FGF3: variants seen among roughly 807,000 people sequenced by gnomAD.
FGF3 encodes the protein FGF-3.
A neutral mutation model predicts 9.8 loss-of-function variants in FGF3; 7 were observed. The ratio of observed to expected loss-of-function variants is 0.72; its 90% confidence interval spans 0.41 to 1.35. The LOEUF (loss-of-function observed/expected upper bound fraction) is 1.35, where lower values mean the gene tolerates loss of function less well. Among genes scored for constraint, FGF3 ranks in the 40% most tolerant of loss-of-function variants. The probability of loss-of-function intolerance (pLI) is 0.01; values close to 1 mark genes in which losing one functional copy is unlikely to be tolerated. For missense variants in FGF3, 390 were observed against 345.6 expected, an observed-to-expected ratio of 1.13 and a Z score of -1.02; for synonymous variants, 173 against 157.2, an observed-to-expected ratio of 1.10 and a Z score of -0.75.
chr11:69,813,852 A>C (rs1856080014), intron 2 of FGF3, among the ~76,000 whole-genome samples: 1 of 142,026 alleles, frequency 7.0e-6, no homozygotes, highest in Non-Finnish European at 1.5e-5. Flanking sequence ...GGTTGGATGG[A>C]TGGGTGGATG....
At chr11:69,813,876 A>ATGGATGGATGGGTGGATGGC in intron 2 of FGF3, among the ~76,000 whole-genome samples, 1 of 138,304 alleles carries the variant, frequency 7.2e-6, no homozygotes, top group Non-Finnish European at 1.6e-5. Flanking sequence ...GGATAGGTGG[A>ATGGATGGATGGGTGGATGGC]TGGATGGATG....
rs1856007734 is a variant in FGF3, at chr11:69,810,482, G to A, written c.543C>T (p.Arg181=). The change falls in exon 3 of 3, where the codon CGC becomes CGT. Residue 181 remains arginine, a synonymous_variant. Coordinates refer to ENST00000334134, the MANE Select transcript of FGF3 (RefSeq NM_005247.4). ...TCTCGTGGTCCCTGTGGTCCAGCAC[G>A]CGGGGCAGGAACAGGGAGGACTTCT... ...RTQKSSLFLP[R]VLDHRDHEMV... The A allele has an allele frequency of 5.6e-6, 9 of 1,607,470 alleles. No individual in the cohort carries two copies. The highest frequency in any genetic ancestry group is 5.5e-5 in the South Asian group (5 of 90,116).
At chr11:69,811,450 C>CAAA (rs33951596) in intron 2 of FGF3, among the ~76,000 whole-genome samples, 2 of 97,350 alleles carry the variant, frequency 2.1e-5, no homozygotes, top group African/African-American at 3.8e-5. Flanking sequence ...AACTCTGACT[C>CAAA]AAAAAAAAAA....
At chr11:69,816,907 G>A (rs1856142454) in intron 1 of FGF3, among the ~76,000 whole-genome samples, 1 of 152,176 alleles carries the variant, frequency 6.6e-6, no homozygotes, top group Non-Finnish European at 1.5e-5. Flanking sequence ...GCCCTGATGA[G>A]CCAGGCTGAT....
intron 2 of FGF3, among the ~76,000 whole-genome samples, chr11:69,814,663 G>A (rs974427381): frequency 4.6e-5 from 7 of 152,108 alleles, no homozygotes; most frequent in South Asian, 2.1e-4. Flanking sequence ...GGCAGGTGAC[G>A]GAGTTGGCAT....
At chr11:69,814,873 C>T (rs1856100526) in intron 2 of FGF3, among the ~76,000 whole-genome samples, 1 of 152,204 alleles carries the variant, frequency 6.6e-6, no homozygotes, top group Non-Finnish European at 1.5e-5. Flanking sequence ...ACCACTGGGA[C>T]CCCCTCATGT....
intron 2 of FGF3, among the ~76,000 whole-genome samples, 153 bp from the exon 3 acceptor site, chr11:69,810,853 C>T (rs1856019444): frequency 6.6e-6 from 1 of 152,224 alleles, no homozygotes; most frequent in African/African-American, 2.4e-5. Context: ...TTTGCCTAGG[C>T]CCTGCCCTCT....
At chr11:69,818,363 G>A (rs1199495576) in intron 1 of FGF3, among the ~76,000 whole-genome samples, 2 of 152,160 alleles carry the variant, frequency 1.3e-5, no homozygotes, top group South Asian at 2.1e-4. Context: ...CTGGAGCCCC[G>A]GGGTCGCCTA....
intron 1 of FGF3, among the ~76,000 whole-genome samples, chr11:69,816,765 C>T: frequency 6.6e-6 from 1 of 152,214 alleles, no homozygotes; most frequent in East Asian, 1.9e-4. Context: ...GTGGGGACCA[C>T]TATGGCTGGG....
intron 1 of FGF3, 49 bp from the exon 2 acceptor site, chr11:69,816,472 C>A (rs369094504): frequency 1.2e-5 from 18 of 1,460,776 alleles, no homozygotes; most frequent in Admixed American, 1.7e-5. Flanking sequence ...ACGGAGGGGG[C>A]GGCTGAGGCC....
At chr11:69,812,415 T>C (rs1471532006) in intron 2 of FGF3, among the ~76,000 whole-genome samples, 1 of 151,960 alleles carries the variant, frequency 6.6e-6, no homozygotes. Context: ...GGGCTGCCTC[T>C]CCCCATAACC....
intron 2 of FGF3, among the ~76,000 whole-genome samples, chr11:69,814,647 G>C (rs964439010): frequency 2.0e-5 from 3 of 152,122 alleles, no homozygotes; most frequent in African/African-American, 7.2e-5. Flanking sequence ...GTATCAGGTG[G>C]CAGGTGGCAG....
In FGF3 at chr11:69,818,846, C is replaced by T; in HGVS notation, c.88G>A (p.Gly30Ser). 2.0e-6 allele frequency: 3 copies of T among 1,471,492 alleles called. No homozygotes were observed. Among genetic ancestry groups the T allele is most frequent in the East Asian group, 5.9e-5 (2 of 33,964 alleles). The allele number at this position is 1,471,492 out of a possible 1,614,324, so 91.2% of individuals were successfully genotyped here. Residue 30 changes from glycine (G) to serine (S), a missense_variant, in exon 1 of 3, where the codon GGC (glycine) becomes AGC (serine). By Grantham distance (56) the Gly-to-Ser change is moderately conservative. Transcript: ENST00000334134. The part of the protein sequence containing the change: ...GPGARLRRDA[G>S]GRGGVYEHLG... ...TGCTCGTAGACGCCGCCACGGCCGC[C>T]CGCATCGCGCCGCAACCGCGCCCCA...
intron 2 of FGF3, among the ~76,000 whole-genome samples, chr11:69,813,552 ATGGATGGATGGATGGG>A (rs1856060615): frequency 6.7e-6 from 1 of 150,076 alleles, no homozygotes; most frequent in Admixed American, 6.6e-5. Context: ...GGGTGGGTGG[ATGGATGGATGGATGGG>A]TGGATGGATG....
chr11:69,816,588 G>A (rs147406153), intron 1 of FGF3, among the ~76,000 whole-genome samples, 165 bp from the exon 2 acceptor site: 179 of 152,260 alleles, frequency 1.2e-3, no homozygotes, highest in African/African-American at 4.2e-3. Context: ...AGAAGTCACC[G>A]GACAGGAGGT....
At chr11:69,818,678 C>T in intron 1 of FGF3, 36 bp downstream of exon 1, 1 of 1,427,384 alleles carries the variant, frequency 7.0e-7, no homozygotes, top group Non-Finnish European at 9.2e-7. Context: ...CTCCCGGCGC[C>T]GCTTCCCCCG....
intron 2 of FGF3, among the ~76,000 whole-genome samples, chr11:69,812,355 G>A (rs782062275): frequency 6.6e-6 from 1 of 152,062 alleles, no homozygotes; most frequent in Non-Finnish European, 1.5e-5. Context: ...GTTTTTCAGC[G>A]ACATGAAAGC....
At position 69,813,692 on chromosome 11, in the gene FGF3, A is replaced by ATGGG. The variant is rs1565114901; in HGVS notation, c.324+2627_324+2628insCCCA. On this transcript the variant is annotated intron_variant, in intron 2 of 2. Transcript: ENST00000334134. ...GATGGCTGGATGGATGGATGGGTGG[A>ATGGG]TGGATGGATAGGTGGATGGATGGAT... Among the ~76,000 whole-genome samples the ATGGG allele has an allele frequency of 4.7e-4, 60 of 127,290 alleles. 10 individuals are homozygous for ATGGG. Among genetic ancestry groups the ATGGG allele is most frequent in the African/African-American group, 5.2e-4 (17 of 32,634 alleles). The allele number at this position is 127,290 out of a possible 152,430, so 83.5% of individuals were successfully genotyped here.
chr11:69,818,606 C>T lies in FGF3; in HGVS notation c.220+108G>A, dbSNP rs532772715. ...GCACCATGCCTTCTCCCGGGCCAGA[C>T]CCCTCCCCGGCGCCGCCTCCCCCGC... On this transcript the variant is annotated intron_variant, in intron 1 of 2. Transcript: ENST00000334134. The T allele has an allele frequency of 3.4e-4, 268 of 786,342 alleles. 1 individual carries two copies. The East Asian group carries it at 8.3e-3, about 24-fold the overall frequency. The allele number at this position is 786,342 out of a possible 1,614,324, so 48.7% of individuals were successfully genotyped here.
Sources: gnomAD v4.1 joint callset for allele counts (sites outside exome capture counted in the v4.1 genomes callset) on GRCh38, gnomAD v4.1.1 for gene constraint, MANE v1.5 for transcripts, NCBI Gene and HGNC (gene_info 2026-07-23, HGNC 2026-07-21) for gene names.